The following PPFIBP2 variants were observed in gnomAD, a reference collection of about 807,000 sequenced individuals.
PPFIBP2 encodes the protein PPFIB scaffold protein 2, also known as liprin-beta-2.
A neutral mutation model predicts 118.3 loss-of-function variants in PPFIBP2; 118 were observed. The ratio of observed to expected loss-of-function variants is 1.00; its 90% confidence interval spans 0.86 to 1.16. The LOEUF is 1.16. PPFIBP2 is among the 50% of genes most tolerant of loss of function. The pLI is 0.00. For synonymous variants in PPFIBP2, 414 were observed against 397.4 expected (o/e 1.04, Z -0.50); for missense variants, 1,195 against 1,073.1 (o/e 1.11, Z -1.59).
downstream of PPFIBP2, among the ~76,000 whole-genome samples, chr11:7,656,420 G>T (rs7942293): frequency 6.6e-6 from 1 of 152,026 alleles, no homozygotes; most frequent in Non-Finnish European, 1.5e-5. Context: ...AACAGGATCA[G>T]TTTTACTCAA....
At chr11:7,562,428 G>A (rs1043872534) in intron 2 of PPFIBP2, among the ~76,000 whole-genome samples, 3 of 152,224 alleles carry the variant, frequency 2.0e-5, no homozygotes, top group African/African-American at 7.2e-5. Context: ...ATACAATAAA[G>A]CAGAAGGAGT....
At chr11:7,560,688 G>C (rs1854200929) in intron 2 of PPFIBP2, among the ~76,000 whole-genome samples, 1 of 152,168 alleles carries the variant, frequency 6.6e-6, no homozygotes, top group Non-Finnish European at 1.5e-5. Flanking sequence ...CAAAAGGCAT[G>C]AATATTTTTC....
chr11:7,575,267 A>G (rs541013386), intron 3 of PPFIBP2, among the ~76,000 whole-genome samples: 44 of 152,316 alleles, frequency 2.9e-4, no homozygotes, highest in African/African-American at 1.0e-3. Flanking sequence ...AATCAGACAC[A>G]CTTCTGACAG....
At chr11:7,538,305 CTG>C (rs1453347567) in intron 1 of PPFIBP2, 5 of 152,470 alleles carry the variant, frequency 3.3e-5, no homozygotes, top group Non-Finnish European at 7.3e-5. Context: ...GCTGCTGAGA[CTG>C]TGGGACAGCT....
chr11:7,627,741 G>C (rs189837268), intron 8 of PPFIBP2, among the ~76,000 whole-genome samples: 1 of 152,174 alleles, frequency 6.6e-6, no homozygotes, highest in Admixed American at 6.5e-5. Flanking sequence ...TTGCATATAT[G>C]TATATATCCC....
At chr11:7,605,733 C>T (rs899148598) in intron 5 of PPFIBP2, 9 of 1,342,128 alleles carry the variant, frequency 6.7e-6, no homozygotes, top group Admixed American at 3.6e-5. Flanking sequence ...AACTAGTGGC[C>T]GCAGAAGAAA....
chr11:7,658,313 C>G (rs1302478053), downstream of PPFIBP2, among the ~76,000 whole-genome samples: 1 of 111,286 alleles, frequency 9.0e-6, no homozygotes, highest in Non-Finnish European at 1.7e-5. Context: ...CACCCCACAA[C>G]AGTCCCCAGA....
At chr11:7,565,411 C>A in intron 2 of PPFIBP2, 142 bp from the exon 3 acceptor site, 1 of 805,712 alleles carries the variant, frequency 1.2e-6, no homozygotes, top group South Asian at 1.6e-5. Flanking sequence ...GCTGAGACTA[C>A]AGGCGTGCAC....
intron 2 of PPFIBP2, among the ~76,000 whole-genome samples, chr11:7,555,957 T>C (rs1017067251): frequency 1.4e-5 from 2 of 146,304 alleles, no homozygotes; most frequent in African/African-American, 2.8e-5. Flanking sequence ...AATTTTTTAA[T>C]TGAGTCTTGG....
At chr11:7,549,979 A>G (rs10839804) in intron 2 of PPFIBP2, among the ~76,000 whole-genome samples, 59,776 of 152,040 alleles carry the variant, frequency 0.39, 12,565 homozygotes, top group African/African-American at 0.54. Context: ...GCAGTTTTGT[A>G]TTGATTCAAT....
intron 3 of PPFIBP2, 80 bp from the exon 4 acceptor site, chr11:7,593,052 G>A (rs7949805): frequency 0.24 from 365,966 of 1,554,860 alleles, 43,641 homozygotes; most frequent in African/African-American, 0.28. Context: ...CAAATTACAT[G>A]CATCCCTTAT....
chr11:7,631,669 G>C (rs1043111173), intron 11 of PPFIBP2, among the ~76,000 whole-genome samples: 2 of 152,088 alleles, frequency 1.3e-5, no homozygotes, highest in Non-Finnish European at 2.9e-5. Flanking sequence ...TCCTGAAAAC[G>C]TCACACTATC....
intron 2 of PPFIBP2, among the ~76,000 whole-genome samples, chr11:7,561,611 T>A (rs573655716): frequency 6.6e-6 from 1 of 152,220 alleles, no homozygotes; most frequent in Non-Finnish European, 1.5e-5. Flanking sequence ...AAAGATCTTA[T>A]TTTTTTCTGT....
intron 5 of PPFIBP2, among the ~76,000 whole-genome samples, chr11:7,601,886 G>A (rs2135389487): frequency 6.6e-6 from 1 of 151,998 alleles, no homozygotes. Flanking sequence ...CCGAGGTCAG[G>A]AGTTCGAGAA....
chr11:7,619,158 T>C (rs1413294293), intron 6 of PPFIBP2, among the ~76,000 whole-genome samples: 1 of 152,208 alleles, frequency 6.6e-6, no homozygotes, highest in Non-Finnish European at 1.5e-5. Context: ...GTTTACAGTT[T>C]AGTAGGAGAG....
chr11:7,578,709 G>T (rs1041370308), intron 3 of PPFIBP2, among the ~76,000 whole-genome samples: 2 of 152,194 alleles, frequency 1.3e-5, no homozygotes, highest in Admixed American at 6.5e-5. Flanking sequence ...CTGTTTTGAT[G>T]GAGAAGGGGG....
chr11:7,652,995 CT>C (rs1374231473), intron 23 of PPFIBP2, 28 bp from the exon 24 acceptor site: 16 of 1,588,816 alleles, frequency 1.0e-5, no homozygotes, highest in Non-Finnish European at 1.3e-5. Context: ...TGATTGCCTT[CT>C]CATAATCTTG....
intron 2 of PPFIBP2, among the ~76,000 whole-genome samples, chr11:7,554,810 A>G (rs183276665): frequency 0.027 from 4,163 of 152,170 alleles, 86 homozygotes; most frequent in African/African-American, 0.052. Flanking sequence ...AGACTAGACT[A>G]GACTAGATTG....
downstream of PPFIBP2, among the ~76,000 whole-genome samples, chr11:7,657,955 C>T (rs7129431): frequency 0.054 from 8,231 of 152,322 alleles, 638 homozygotes; most frequent in African/African-American, 0.17. Context: ...CTAAGTTCCT[C>T]ATCCACCCAC....
Sources: gnomAD v4.1 joint callset for allele counts (sites outside exome capture counted in the v4.1 genomes callset) on GRCh38, gnomAD v4.1.1 for gene constraint, MANE v1.5 for transcripts, NCBI Gene and HGNC (gene_info 2026-07-23, HGNC 2026-07-21) for gene names.